The following MEIS3 variants were observed in gnomAD, a reference collection of about 807,000 sequenced individuals.
MEIS3 encodes the protein homeobox protein Meis3.
A neutral mutation model predicts 51.4 loss-of-function variants in MEIS3; 38 were observed. The observed-to-expected ratio is 0.74, with a 90% confidence interval of 0.57 to 0.97. The LOEUF (loss-of-function observed/expected upper bound fraction) is 0.97. Ranked by LOEUF, MEIS3 falls within the 50% of genes least tolerant of loss-of-function variation. The pLI, the probability that MEIS3 is intolerant of heterozygous loss-of-function variation, is 0.00. For synonymous variants in MEIS3, 198 were observed against 201.8 expected (o/e 0.98, Z 0.16); for missense variants, 456 against 502.6 (o/e 0.91, Z 0.89).
chr19:47,415,194 G>C, intron 4 of MEIS3, 93 bp from the exon 5 acceptor site: 2 of 786,906 alleles, frequency 2.5e-6, no homozygotes, highest in Non-Finnish European at 4.4e-6. Flanking sequence ...AGGAAGAGGA[G>C]ACACAGAGAA....
intron 6 of MEIS3, among the ~76,000 whole-genome samples, chr19:47,410,520 A>G (rs979670840): frequency 6.6e-6 from 1 of 151,838 alleles, no homozygotes; most frequent in African/African-American, 2.4e-5. Flanking sequence ...TAATCCCATC[A>G]CTGTGGGAGG....
upstream of MEIS3, among the ~76,000 whole-genome samples, chr19:47,420,940 ACTCTCTCTCTCT>A (rs71180840): frequency 5.1e-4 from 46 of 91,000 alleles, no homozygotes; most frequent in African/African-American, 1.9e-3. Flanking sequence ...ACACACACAC[ACTCTCTCTCTCT>A]CTCTCTCTCT....
Position 47,419,216 on chromosome 19 carries a change from C to T in MEIS3, c.-135G>A, listed in dbSNP as rs1233219216. 31 of 527,042 alleles carry T rather than the reference C, an allele frequency of 5.9e-5. No homozygotes were observed. Among genetic ancestry groups the T allele is most frequent in the Non-Finnish European group, 7.0e-5 (25 of 354,830 alleles). 32.6% of individuals were successfully genotyped at this position (527,042 alleles called of 1,614,324 possible). The stretch of plus-strand genomic sequence containing the variant: ...GGCAGGAGGCCAGGCGCGCGCCCCC[C>T]CACCCCCGCCGCCGTCAGCGGCAGG... On this transcript the variant is annotated 5_prime_UTR_variant, in exon 1 of 13. Transcript: ENST00000558555.
At chr19:47,420,936 A>T (rs1335976812), upstream of MEIS3, among the ~76,000 whole-genome samples, 548 of 93,868 alleles carry the variant, frequency 5.8e-3, 7 homozygotes, top group African/African-American at 0.025. Context: ...ACACACACAC[A>T]CACACTCTCT....
rs1254832519 is a variant in MEIS3 at position 47,416,891 on chromosome 19, C to T, written c.258G>A (p.Gly86=). The change falls in exon 3 of 13, where the codon GGG becomes GGA. Residue 86 remains glycine, a synonymous_variant. Coordinates refer to ENST00000558555, the MANE Select transcript of MEIS3 (RefSeq NM_001301059.2). ...GGGGTGTCCCCAGCCCAGCTCCGGC[C>T]CCGTCACGGGGAGAGCATGTAGCCA... The part of the protein sequence containing the change: ...CELATCSPRD[G]AGAGLGTPPG... 3 of 1,613,664 alleles carry T rather than the reference C, an allele frequency of 1.9e-6. No individual in the cohort carries two copies. The South Asian group carries it at 3.3e-5, about 18-fold the overall frequency.
In MEIS3 at chr19:47,417,182, A is replaced by G. The variant is rs1256741776; in HGVS notation, c.181T>C (p.Tyr61His). 1 of 1,549,884 alleles carries G rather than the reference A, an allele frequency of 6.5e-7. No individual in the cohort carries two copies. The highest frequency in any genetic ancestry group is 8.7e-7 in the Non-Finnish European group (1 of 1,153,012). ...DGLKREKDEI[Y>H]GHPLFPLLAL... Reference sequence around the variant, plus strand: ...CTGAGACCCGGCCCCACTCACCCATAGATCTCATCCTTCTCCCTCTTCAGG... The same window carrying G: ...CTGAGACCCGGCCCCACTCACCCATGGATCTCATCCTTCTCCCTCTTCAGG... The change falls in exon 2 of 13, where the codon TAT (tyrosine) becomes CAT (histidine). Residue 61 changes from tyrosine (Y) to histidine (H), a missense_variant. Physicochemically the swap from Tyr to His is moderately conservative, Grantham distance 83. Coordinates refer to ENST00000558555, the MANE Select transcript of MEIS3 (RefSeq NM_001301059.2).
chr19:47,410,498 G>C lies in MEIS3; in HGVS notation c.598-951C>G, dbSNP rs200884359. Among the ~76,000 whole-genome samples the C allele has an allele frequency of 1.4e-4, 21 of 151,684 alleles. No homozygotes were observed. In the East Asian group the frequency reaches 3.5e-3, roughly 25 times the overall value. Reference sequence around the variant, plus strand: ...AAGGAAAAGAAGGGCCGGGCGCGATGGCTCATGCCTGTAATCCCATCACTG... The same window carrying C: ...AAGGAAAAGAAGGGCCGGGCGCGATCGCTCATGCCTGTAATCCCATCACTG... On this transcript the variant is annotated intron_variant, in intron 6 of 12. Transcript: ENST00000558555.
At chr19:47,411,424 T>C (rs1971126143) in intron 6 of MEIS3, among the ~76,000 whole-genome samples, 1 of 152,206 alleles carries the variant, frequency 6.6e-6, no homozygotes, top group African/African-American at 2.4e-5. Context: ...CAGCTTTTGC[T>C]GCCAAATGAG....
rs762987923 is a variant in MEIS3, at chr19:47,415,109, C to T, written c.397-8G>A. 4.4e-5 allele frequency: 37 copies of T among 841,026 alleles called. No individual in the cohort carries two copies. Among genetic ancestry groups the T allele is most frequent in the Admixed American group, 2.0e-4 (4 of 19,982 alleles). 52.1% of individuals were successfully genotyped at this position (841,026 alleles called of 1,614,324 possible). A position where few individuals can be genotyped will look rare whatever the true frequency, so the allele number is the denominator to read the frequency against. ...CTGGATGGCCTGGATCATCTGAAAA[C>T]GTGGGCGGGAGGTGGGGGGAGACAG... On this transcript the variant is annotated splice_polypyrimidine_tract_variant and splice_region_variant and intron_variant, in intron 4 of 12. Transcript: ENST00000558555.
Position 47,409,041 on chromosome 19 carries a change from GGT to G in MEIS3, c.858+56_858+57del. 2.5e-6 allele frequency: 4 copies of G among 1,578,820 alleles called. No individual in the cohort carries two copies. The Admixed American group carries it at 7.0e-5, about 28-fold the overall frequency. ...GTTTCTCTGGGGTTTCGGTCTCTGTGGTCCACCCTTCTCCCTCTCTCCATTCC... is the reference window on the plus strand; with the variant it reads ...GTTTCTCTGGGGTTTCGGTCTCTGTGCCACCCTTCTCCCTCTCTCCATTCC... On this transcript the variant is annotated intron_variant, in intron 8 of 12. Coordinates refer to ENST00000558555, the MANE Select transcript of MEIS3 (RefSeq NM_001301059.2).
chr19:47,404,085 T>C (rs1439352662), intron 12 of MEIS3, among the ~76,000 whole-genome samples: 1 of 151,988 alleles, frequency 6.6e-6, no homozygotes. Flanking sequence ...ACGCCTGTAG[T>C]CTCAGCCACT....
chr19:47,406,956 A>T lies in MEIS3; in HGVS notation c.1010T>A (p.Phe337Tyr), dbSNP rs570873571. The T allele has an allele frequency of 3.3e-5, 52 of 1,577,812 alleles. 1 individual carries two copies. The South Asian group carries it at 5.9e-4, about 18-fold the overall frequency. ...QSNRTGQGAA[F>Y]SPEGQPIGGY... ...CCCGATGGGCTGGCCCTCTGGGCTG[A>T]AGGCTGCACCCTGCCCTGCGAAGGG... The change falls in exon 11 of 13, where the codon TTC becomes TAC. Residue 337 changes from phenylalanine to tyrosine, a missense_variant. By Grantham distance (22) the Phe-to-Tyr change is conservative. Coordinates refer to ENST00000558555, the MANE Select transcript of MEIS3 (RefSeq NM_001301059.2).
chr19:47,417,123 A>G (rs914656110), intron 2 of MEIS3, 55 bp downstream of exon 2: 11 of 1,538,936 alleles, frequency 7.1e-6, no homozygotes, highest in Admixed American at 4.4e-5. Flanking sequence ...CAGGGAGCAA[A>G]GAAGCAGAAA....
chr19:47,408,466 C>G (rs1205266096), intron 8 of MEIS3, among the ~76,000 whole-genome samples: 1 of 152,084 alleles, frequency 6.6e-6, no homozygotes, highest in East Asian at 1.9e-4. Flanking sequence ...CTCTGACTCA[C>G]TATCTCTGTG....
At chr19:47,417,633 A>G in intron 1 of MEIS3, 2 of 702,864 alleles carry the variant, frequency 2.8e-6, no homozygotes, top group Non-Finnish European at 5.2e-6. Flanking sequence ...GGGAAAAGAG[A>G]TGGAGAAAGT....
rs750421217 is a variant in MEIS3, at chr19:47,403,534, G to T, written c.*37C>A. The T allele has an allele frequency of 2.0e-5, 9 of 450,756 alleles. No homozygotes were observed. The highest frequency in any genetic ancestry group is 1.4e-4 in the South Asian group (9 of 63,736). The allele number at this position is 450,756 out of a possible 1,614,324, so 27.9% of individuals were successfully genotyped here. A position where few individuals can be genotyped will look rare whatever the true frequency, so the allele number is the denominator to read the frequency against. ...ACCAGAGGCAGGTGTGAGGCTGGGG[G>T]TCACAGCCGGAGGCTGGGTCTGTGG... On this transcript the variant is annotated 3_prime_UTR_variant, in exon 13 of 13. Coordinates refer to ENST00000558555, the MANE Select transcript of MEIS3 (RefSeq NM_001301059.2).
intron 6 of MEIS3, chr19:47,412,492 A>C (rs1331942028): frequency 1.3e-5 from 2 of 152,070 alleles, no homozygotes; most frequent in African/African-American, 4.8e-5. Flanking sequence ...GGTTCAAGTG[A>C]TTCTCCTGCC....
At chr19:47,405,282 C>T (rs1338707800) in intron 12 of MEIS3, among the ~76,000 whole-genome samples, 3 of 152,262 alleles carry the variant, frequency 2.0e-5, no homozygotes, top group Admixed American at 1.3e-4. Flanking sequence ...AGACTCAAGG[C>T]CTGGGAAAGT....
chr19:47,414,868 T>TG lies in MEIS3; in HGVS notation c.448-3dup, dbSNP rs754589852. The TG allele has an allele frequency of 1.5e-5, 17 of 1,156,182 alleles. No individual in the cohort carries two copies. The highest frequency in any genetic ancestry group is 8.1e-5 in the Admixed American group (3 of 36,950). 71.6% of individuals were successfully genotyped at this position (1,156,182 alleles called of 1,614,324 possible). A position where few individuals can be genotyped will look rare whatever the true frequency, so the allele number is the denominator to read the frequency against. On this transcript the variant is annotated splice_region_variant and splice_polypyrimidine_tract_variant and intron_variant, in intron 5 of 12. Coordinates refer to ENST00000558555, the MANE Select transcript of MEIS3 (RefSeq NM_001301059.2). ...GAAGTTGTCGCACAGGTCGTGGACCTGGGGGGGCACCGGGGTACTGGGGGG... is the reference window on the plus strand; with the variant it reads ...GAAGTTGTCGCACAGGTCGTGGACCTGGGGGGGGCACCGGGGTACTGGGGGG...
Sources: allele counts gnomAD v4.1 joint callset (sites outside exome capture counted in the v4.1 genomes callset), GRCh38; gene constraint gnomAD v4.1.1; transcripts MANE v1.5; gene names NCBI Gene and HGNC (gene_info 2026-07-23, HGNC 2026-07-21).